The following SPATA31H1 variants were observed in gnomAD, a reference collection of about 807,000 sequenced individuals.
SPATA31H1 encodes SPATA31 subfamily H member 1.
chr2:27,546,511 T>A, the SPATA31H1 span, among the ~76,000 whole-genome samples: 3 of 151,976 alleles, frequency 2.0e-5, no homozygotes, highest in Non-Finnish European at 4.4e-5. Flanking sequence ...AACTTAATAA[T>A]CGAGATATTT....
the SPATA31H1 span, among the ~76,000 whole-genome samples, chr2:27,538,168 G>T: frequency 6.6e-6 from 1 of 152,136 alleles, no homozygotes; most frequent in East Asian, 1.9e-4. Context: ...TGAACGCCAG[G>T]CTGAATACTT....
chr2:27,578,826 G>C, the SPATA31H1 span: 6 of 1,614,130 alleles, frequency 3.7e-6, no homozygotes, highest in Non-Finnish European at 5.1e-6. Flanking sequence ...TGAATTAGGA[G>C]GACTTTGGGA....
chr2:27,542,352 A>G, the SPATA31H1 span, among the ~76,000 whole-genome samples: 1 of 151,826 alleles, frequency 6.6e-6, no homozygotes, highest in African/African-American at 2.4e-5. Context: ...AGCCGAGATC[A>G]TACCACTGTA....
the SPATA31H1 span, chr2:27,581,325 C>G: frequency 6.2e-7 from 1 of 1,613,858 alleles, no homozygotes; most frequent in Admixed American, 1.7e-5. Flanking sequence ...ACATCACAGT[C>G]CCTCTCAGAG....
At chr2:27,577,062 G>C in the SPATA31H1 span, 1 of 1,614,120 alleles carries the variant, frequency 6.2e-7, no homozygotes, top group Non-Finnish European at 8.5e-7. This position sits in a 1 kb window ranked among gnomAD's most constrained non-coding sequence, Gnocchi z 4.5. Flanking sequence ...TTCAGAAATG[G>C]CACAAGGATT....
At chr2:27,565,444 C>T in the SPATA31H1 span, 1 of 716,078 alleles carries the variant, frequency 1.4e-6, no homozygotes. Context: ...GTGGGTCAGC[C>T]TTATGACTCT....
the SPATA31H1 span, among the ~76,000 whole-genome samples, chr2:27,556,573 T>C: frequency 5.9e-5 from 9 of 151,750 alleles, no homozygotes; most frequent in East Asian, 1.7e-3. Flanking sequence ...CTTACTGAGT[T>C]CTTTATTTCT....
At chr2:27,580,063 T>C in the SPATA31H1 span, 1 of 1,614,188 alleles carries the variant, frequency 6.2e-7, no homozygotes, top group Non-Finnish European at 8.5e-7. Flanking sequence ...GAGGTTCGGT[T>C]GCATCTTGGC....
At chr2:27,577,618 G>C in the SPATA31H1 span, 7 of 1,613,970 alleles carry the variant, frequency 4.3e-6, no homozygotes, top group East Asian at 1.6e-4. The surrounding 1 kb of genome is among the most constrained non-coding windows in gnomAD (Gnocchi z 4.5). Flanking sequence ...TCTGCTTCAG[G>C]GATGACACCT....
chr2:27,572,797 C>A, the SPATA31H1 span: 2 of 398,060 alleles, frequency 5.0e-6, no homozygotes, highest in Non-Finnish European at 8.9e-6. Context: ...GGTGTAAAGT[C>A]ATCTCAACTG....
the SPATA31H1 span, among the ~76,000 whole-genome samples, chr2:27,561,855 C>A: frequency 1.3e-5 from 2 of 152,180 alleles, no homozygotes; most frequent in Admixed American, 1.3e-4. Context: ...TGTGCCACCA[C>A]GCCCAGCTAG....
At chr2:27,573,040 G>T in the SPATA31H1 span, 28 of 398,200 alleles carry the variant, frequency 7.0e-5, no homozygotes, top group East Asian at 9.6e-4. Flanking sequence ...GAGTTCCAAG[G>T]TGTAAAAACT....
the SPATA31H1 span, chr2:27,577,042 C>A: frequency 6.2e-7 from 1 of 1,614,008 alleles, no homozygotes; most frequent in Non-Finnish European, 8.5e-7. The surrounding 1 kb of genome is among the most constrained non-coding windows in gnomAD (Gnocchi z 4.5). Flanking sequence ...ATTTATCACG[C>A]CACAGAATCT....
At chr2:27,577,662 T>G in the SPATA31H1 span, 5 of 1,613,964 alleles carry the variant, frequency 3.1e-6, no homozygotes, top group South Asian at 5.5e-5. This position sits in a 1 kb window ranked among gnomAD's most constrained non-coding sequence, Gnocchi z 4.5. Flanking sequence ...ATCTGTGGAG[T>G]TGACTTCTAA....
chr2:27,580,675 T>C, the SPATA31H1 span: 19 of 1,614,234 alleles, frequency 1.2e-5, no homozygotes, highest in African/African-American at 6.7e-5. Context: ...CACAGAGTTA[T>C]AGCTTCTGTT....
the SPATA31H1 span, among the ~76,000 whole-genome samples, chr2:27,538,963 G>T: frequency 6.6e-6 from 1 of 152,168 alleles, no homozygotes; most frequent in Admixed American, 6.5e-5. Context: ...TGCTATCAGG[G>T]ATGTGAAAGT....
the SPATA31H1 span, among the ~76,000 whole-genome samples, chr2:27,538,818 G>A: frequency 6.6e-6 from 1 of 151,580 alleles, no homozygotes; most frequent in Non-Finnish European, 1.5e-5. Context: ...GTGACAGAGC[G>A]AGACTCTGTC....
the SPATA31H1 span, chr2:27,567,767 G>A: frequency 5.0e-6 from 2 of 398,968 alleles, no homozygotes; most frequent in Non-Finnish European, 8.8e-6. Context: ...GGATACAGCA[G>A]CACAAGACAC....
chr2:27,577,867 A>C, the SPATA31H1 span: 1 of 1,614,156 alleles, frequency 6.2e-7, no homozygotes, highest in Non-Finnish European at 8.5e-7. This position sits in a 1 kb window ranked among gnomAD's most constrained non-coding sequence, Gnocchi z 4.5. Flanking sequence ...GGACATGAAG[A>C]ATCTGTAGAG....
Sources: gnomAD v4.1 joint callset for allele counts (sites outside exome capture counted in the v4.1 genomes callset) on GRCh38, gnomAD v4.1.1 for gene constraint, Gnocchi (gnomAD v3.1) non-coding constraint, MANE v1.5 for transcripts, NCBI Gene and HGNC (gene_info 2026-07-23, HGNC 2026-07-21) for gene names.